Variants in LCOR observed in about 807,000 individuals in gnomAD.
The protein encoded by LCOR is ligand-dependent corepressor.
A neutral mutation model predicts 64.4 loss-of-function variants in LCOR; 14 were observed. The observed-to-expected ratio is 0.22, with a 90% confidence interval of 0.14 to 0.34. The LOEUF (loss-of-function observed/expected upper bound fraction) is 0.34. Among genes scored for constraint, LCOR ranks in the 10% least tolerant of loss-of-function variants. The probability of loss-of-function intolerance (pLI) is 1.00; values close to 1 mark genes in which losing one functional copy is unlikely to be tolerated. For synonymous variants in LCOR, 643 were observed against 642.5 expected, an observed-to-expected ratio of 1.00 and a Z score of -0.01; for missense variants, 1,686 against 1,765.3, an observed-to-expected ratio of 0.96 and a Z score of 0.80.
At chr10:96,855,764 C>T (rs937774419) in intron 2 of LCOR, among the ~76,000 whole-genome samples, 7 of 147,464 alleles carry the variant, frequency 4.7e-5, no homozygotes, top group Non-Finnish European at 7.5e-5. Context: ...TGTTTTGAGA[C>T]GGAGTCTCAC....
chr10:96,958,129 G>C lies in LCOR; in HGVS notation c.332+5933G>C. On this transcript the variant is annotated intron_variant, in intron 7 of 7. Transcript: ENST00000421806. ...AATTGCAGCCATAGTACCTTTTTGC[G>C]TAATGTTTGGGATATTCAGTAGCCC... The C allele has an allele frequency of 4.2e-6, 5 of 1,177,298 alleles. No individual in the cohort carries two copies. The South Asian group carries it at 1.5e-4, about 36-fold the overall frequency. The allele number at this position is 1,177,298 out of a possible 1,614,324, so 72.9% of individuals were successfully genotyped here. A position where few individuals can be genotyped will look rare whatever the true frequency, so the allele number is the denominator to read the frequency against.
rs1329991593 is a variant in LCOR, at chr10:96,991,928, T to C, written c.*6794T>C. On this transcript the variant is annotated 3_prime_UTR_variant, in exon 8 of 8. Transcript: ENST00000421806. Reference sequence around the variant, plus strand: ...TTGTCACATTGGAAGCATTTTTCTCTCAAAACTCTTTTCCTCTAGTATTTA... The same window carrying C: ...TTGTCACATTGGAAGCATTTTTCTCCCAAAACTCTTTTCCTCTAGTATTTA... The C allele has an allele frequency of 1.3e-5, 2 of 150,758 alleles. No homozygotes were observed. The highest frequency in any genetic ancestry group is 2.5e-5 in the African/African-American group (1 of 40,028). 9.3% of individuals were successfully genotyped at this position (150,758 alleles called of 1,614,324 possible).
chr10:96,917,078 T>G lies in LCOR; in HGVS notation c.-184+9331T>G, dbSNP rs534908476. The stretch of plus-strand genomic sequence containing the variant: ...TATTTAGGATTAAAACTGCTTGATA[T>G]GAATCAGTGCTCAGTAAGAGATTCC... On this transcript the variant is annotated intron_variant, in intron 4 of 7. Transcript: ENST00000421806. Among the ~76,000 whole-genome samples, 55 of 152,364 alleles carry G rather than the reference T, an allele frequency of 3.6e-4. 1 individual carries two copies. Among genetic ancestry groups the G allele is most frequent in the African/African-American group, 1.2e-3 (48 of 41,584 alleles).
chr10:96,930,074 A>G (rs1034129199), intron 4 of LCOR, among the ~76,000 whole-genome samples: 1 of 152,332 alleles, frequency 6.6e-6, no homozygotes, highest in South Asian at 2.1e-4. Flanking sequence ...AAATATTGCA[A>G]ATATTACAAA....
chr10:96,951,039 G>T (rs936320920), intron 6 of LCOR, among the ~76,000 whole-genome samples: 5 of 152,016 alleles, frequency 3.3e-5, no homozygotes, highest in Non-Finnish European at 7.4e-5. Context: ...CTAACAGCCG[G>T]AAATAAAATG....
Position 96,949,270 on chromosome 10 carries a change from G to A in LCOR, c.213G>A (p.Lys71=). The A allele has an allele frequency of 6.2e-7, 1 of 1,613,980 alleles. No homozygotes were observed. Among genetic ancestry groups the A allele is most frequent in the Non-Finnish European group, 8.5e-7 (1 of 1,179,968 alleles). ...QDSPLDLTVR[K]SQSEPSEQDG... ...CACCTCTGGACCTTACTGTCAGAAAGTCTCAGTCAGAACCTAGCGAACAAG... is the reference window on the plus strand; with the variant it reads ...CACCTCTGGACCTTACTGTCAGAAAATCTCAGTCAGAACCTAGCGAACAAG... The change falls in exon 6 of 8, where the codon AAG becomes AAA. Residue 71 remains lysine (K), a synonymous_variant. Transcript: ENST00000421806.
At chr10:96,834,890 T>G (rs1161848346) in intron 2 of LCOR, among the ~76,000 whole-genome samples, 1 of 152,100 alleles carries the variant, frequency 6.6e-6, no homozygotes, top group Admixed American at 6.6e-5. Context: ...TGTTTTTGTT[T>G]TTGTTTTTGT....
intron 2 of LCOR, among the ~76,000 whole-genome samples, chr10:96,858,578 A>G (rs955306782): frequency 6.6e-6 from 1 of 152,240 alleles, no homozygotes; most frequent in African/African-American, 2.4e-5. Context: ...TGCTGTGGTC[A>G]GAAAGAGATA....
At chr10:96,967,552 G>T (rs1353733034) in intron 7 of LCOR, among the ~76,000 whole-genome samples, 1 of 152,150 alleles carries the variant, frequency 6.6e-6, no homozygotes, top group Non-Finnish European at 1.5e-5. Context: ...CAACTCGTGA[G>T]TTGAAATATT....
intron 7 of LCOR, chr10:96,961,184 T>A (rs1589685025): frequency 1.3e-5 from 2 of 152,114 alleles, no homozygotes; most frequent in Admixed American, 1.3e-4. Context: ...TCTTTTACAT[T>A]GTTTAAAAAT....
At chr10:96,966,022 A>T (rs1010612068) in intron 7 of LCOR, among the ~76,000 whole-genome samples, 1 of 152,196 alleles carries the variant, frequency 6.6e-6, no homozygotes, top group Non-Finnish European at 1.5e-5. Context: ...GGCCCTATTT[A>T]AAGAAAGGAC....
chr10:96,859,596 C>T (rs554140711), intron 2 of LCOR, among the ~76,000 whole-genome samples: 3 of 151,756 alleles, frequency 2.0e-5, no homozygotes, highest in South Asian at 2.1e-4. Flanking sequence ...CTCGCTCTGT[C>T]GCCCAGGCTG....
chr10:96,894,847 T>C (rs1846510489), intron 2 of LCOR, among the ~76,000 whole-genome samples: 1 of 152,202 alleles, frequency 6.6e-6, no homozygotes, highest in African/African-American at 2.4e-5. Flanking sequence ...GGTTAAGATA[T>C]GTCTTTATTT....
At chr10:96,964,233 T>C (rs1847924334) in intron 7 of LCOR, 3 of 142,442 alleles carry the variant, frequency 2.1e-5, no homozygotes, top group South Asian at 2.1e-4. Context: ...ATCCATGTGG[T>C]CCCCCCCCTT....
At chr10:96,921,340 C>T (rs535104715) in intron 4 of LCOR, among the ~76,000 whole-genome samples, 44 of 152,150 alleles carry the variant, frequency 2.9e-4, no homozygotes, top group Non-Finnish European at 5.3e-4. Context: ...TGAAGCTTTC[C>T]GAACCCTGTT....
chr10:96,839,081 A>G (rs1404689635), intron 2 of LCOR, among the ~76,000 whole-genome samples: 1 of 152,178 alleles, frequency 6.6e-6, no homozygotes, highest in Non-Finnish European at 1.5e-5. Context: ...AAGACAAGTT[A>G]TATTTCATTG....
At chr10:96,857,422 C>G (rs1444437384) in intron 2 of LCOR, among the ~76,000 whole-genome samples, 1 of 152,144 alleles carries the variant, frequency 6.6e-6, no homozygotes, top group Non-Finnish European at 1.5e-5. Context: ...ATTGATGCTG[C>G]TATAAATTTA....
rs1479482085 is a variant in LCOR, at chr10:96,949,307, T to C, written c.238+12T>C. 6.2e-7 allele frequency: 1 copy of C among 1,613,284 alleles called. No individual in the cohort carries two copies. The highest frequency in any genetic ancestry group is 8.5e-7 in the Non-Finnish European group (1 of 1,179,318). ...ACCTAGCGAACAAGGTATGGTTTGATGTCAAGGTCTCCTCTATCTTATCAG... is the reference window on the plus strand; with the variant it reads ...ACCTAGCGAACAAGGTATGGTTTGACGTCAAGGTCTCCTCTATCTTATCAG... On this transcript the variant is annotated intron_variant, in intron 6 of 7. Transcript: ENST00000421806.
chr10:96,952,694 C>G (rs1045492115), intron 7 of LCOR, among the ~76,000 whole-genome samples: 1 of 152,068 alleles, frequency 6.6e-6, no homozygotes, highest in Non-Finnish European at 1.5e-5. Flanking sequence ...TGATGCATAA[C>G]CATCTTAGGC....
Sources: allele counts gnomAD v4.1 joint callset (sites outside exome capture counted in the v4.1 genomes callset), GRCh38; gene constraint gnomAD v4.1.1; transcripts MANE v1.5; gene names NCBI Gene and HGNC (gene_info 2026-07-23, HGNC 2026-07-21).